SLIT3: variants seen among roughly 807,000 people sequenced by gnomAD.
SLIT3 encodes slit homolog 3 protein.
In SLIT3, 68 loss-of-function variants were observed where a neutral mutation model predicts 184.0. The ratio of observed to expected loss-of-function variants is 0.37; its 90% CI spans 0.30 to 0.45. The LOEUF (loss-of-function observed/expected upper bound fraction) is 0.45. SLIT3 is among the 20% of genes least tolerant of loss of function. SLIT3 has a pLI of 1.00. For synonymous variants in SLIT3, 831 were observed against 828.6 expected (o/e 1.00, Z -0.05); for missense variants, 1,707 against 2,026.0 (o/e 0.84, Z 3.02).
chr5:168,893,502 G>A (rs1760547299), intron 4 of SLIT3, among the ~76,000 whole-genome samples: 1 of 152,258 alleles, frequency 6.6e-6, no homozygotes, highest in East Asian at 1.9e-4. Flanking sequence ...AAGGCAGGGG[G>A]AGGAGAGGGG....
intron 4 of SLIT3, among the ~76,000 whole-genome samples, chr5:169,065,393 A>G (rs1315443764): frequency 6.6e-6 from 1 of 152,226 alleles, no homozygotes; most frequent in African/African-American, 2.4e-5. Context: ...CACACAGAGC[A>G]GAGCCCAAGG....
chr5:169,137,250 T>C (rs1421468725), intron 4 of SLIT3, among the ~76,000 whole-genome samples: 1 of 151,786 alleles, frequency 6.6e-6, no homozygotes, highest in Non-Finnish European at 1.5e-5. Context: ...ATTCCAATGT[T>C]CATTCTCCCC....
intron 1 of SLIT3, among the ~76,000 whole-genome samples, chr5:169,258,344 C>T (rs781410759): frequency 8.5e-5 from 13 of 152,282 alleles, no homozygotes; most frequent in East Asian, 3.9e-4. Context: ...TTCCCACTCC[C>T]GTGCCTTGGA....
Position 169,300,428 on chromosome 5 carries a change from A to C in SLIT3, c.197+85T>G, listed in dbSNP as rs1767645518. The C allele has an allele frequency of 1.5e-6, 2 of 1,362,670 alleles. No homozygotes were observed. Among genetic ancestry groups the C allele is most frequent in the Admixed American group, 3.7e-5 (1 of 27,162 alleles). 84.4% of individuals were successfully genotyped at this position (1,362,670 alleles called of 1,614,324 possible). A position where few individuals can be genotyped will look rare whatever the true frequency, so the allele number is the denominator to read the frequency against. On this transcript the variant is annotated intron_variant, in intron 1 of 35. Coordinates refer to ENST00000519560, the MANE Select transcript of SLIT3 (RefSeq NM_003062.4). The surrounding 1 kb of genome is among the most constrained non-coding windows in gnomAD (Gnocchi z 4.1). ...ATAGAGACTGCATCCAGGGAGGCCG[A>C]GGGGAAAGGACGGATCTGGCGCCTG...
At chr5:169,252,535 C>T (rs1765813085) in intron 1 of SLIT3, among the ~76,000 whole-genome samples, 1 of 151,988 alleles carries the variant, frequency 6.6e-6, no homozygotes, top group South Asian at 2.1e-4. Flanking sequence ...AGACTGAACG[C>T]CAAAAAAAGG....
chr5:168,941,046 T>G (rs1292234041), intron 4 of SLIT3, among the ~76,000 whole-genome samples: 3 of 152,234 alleles, frequency 2.0e-5, no homozygotes, highest in Non-Finnish European at 4.4e-5. Flanking sequence ...TTTTAACTTT[T>G]GAAACCTTTG....
chr5:169,256,929 G>C (rs1230584678), intron 1 of SLIT3, among the ~76,000 whole-genome samples: 1 of 152,020 alleles, frequency 6.6e-6, no homozygotes, highest in East Asian at 2.0e-4. Flanking sequence ...TATGATGTTA[G>C]GTTACTAATC....
chr5:168,839,351 G>A (rs1758162771), intron 6 of SLIT3, among the ~76,000 whole-genome samples: 1 of 152,138 alleles, frequency 6.6e-6, no homozygotes, highest in African/African-American at 2.4e-5. Flanking sequence ...GGCCACGTGG[G>A]CTGGCAGTTA....
intron 4 of SLIT3, among the ~76,000 whole-genome samples, chr5:168,929,934 A>G (rs1463634376): frequency 1.3e-5 from 2 of 152,192 alleles, no homozygotes; most frequent in East Asian, 3.9e-4. Flanking sequence ...CGGGGACCAC[A>G]TCTACCTTTG....
rs535192334 is a variant in SLIT3, at chr5:168,765,417, G to A, written c.1460-2728C>T. ...TTGCCCTGGTTTGTAATAACAAGGG[G>A]GTCGGAATGTGATATTTTATACGAG... On this transcript the variant is annotated intron_variant, in intron 14 of 35. Transcript: ENST00000519560. Among the ~76,000 whole-genome samples the A allele has an allele frequency of 6.6e-5, 10 of 152,248 alleles. No individual in the cohort carries two copies. In the South Asian group the frequency reaches 2.1e-3, roughly 32 times the overall value.
At chr5:169,004,803 T>C (rs994215261) in intron 4 of SLIT3, among the ~76,000 whole-genome samples, 2 of 152,150 alleles carry the variant, frequency 1.3e-5, no homozygotes, top group Non-Finnish European at 2.9e-5. Flanking sequence ...GCTTGTTTTC[T>C]CTAGGCCATG....
At chr5:168,703,821 G>A (rs1762291850) in intron 26 of SLIT3, among the ~76,000 whole-genome samples, 1 of 151,608 alleles carries the variant, frequency 6.6e-6, no homozygotes, top group Non-Finnish European at 1.5e-5. Flanking sequence ...GCGTGGTGGT[G>A]GGCATCCCAG....
intron 11 of SLIT3, among the ~76,000 whole-genome samples, chr5:168,786,541 T>C (rs1438662774): frequency 1.3e-5 from 2 of 152,214 alleles, no homozygotes; most frequent in African/African-American, 4.8e-5. Context: ...CTTTGCTGTC[T>C]CACAGTAATG....
At chr5:168,905,045 C>T (rs1284238513) in intron 4 of SLIT3, among the ~76,000 whole-genome samples, 4 of 152,040 alleles carry the variant, frequency 2.6e-5, no homozygotes, top group African/African-American at 9.7e-5. Context: ...GGCGTGGCAG[C>T]GTGCACCTGT....
At chr5:169,055,590 C>T (rs543090224) in intron 4 of SLIT3, among the ~76,000 whole-genome samples, 2 of 152,272 alleles carry the variant, frequency 1.3e-5, no homozygotes, top group East Asian at 3.9e-4. Context: ...GCCTGTAATC[C>T]CAGCACTTTG....
intron 3 of SLIT3, among the ~76,000 whole-genome samples, chr5:169,235,946 G>C (rs1447912022): frequency 6.6e-6 from 1 of 152,140 alleles, no homozygotes; most frequent in Admixed American, 6.6e-5. Flanking sequence ...TAAAGCTACT[G>C]CCCACTCCCT....
chr5:168,764,334 A>T (rs551985906), intron 14 of SLIT3, among the ~76,000 whole-genome samples: 25 of 152,082 alleles, frequency 1.6e-4, no homozygotes, highest in African/African-American at 6.0e-4. Context: ...TCCTTGCAAC[A>T]CTCTGAGGTT....
At chr5:169,295,382 A>G (rs1314363463) in intron 1 of SLIT3, among the ~76,000 whole-genome samples, 3 of 152,284 alleles carry the variant, frequency 2.0e-5, no homozygotes, top group Non-Finnish European at 4.4e-5. Flanking sequence ...CACAGCAATG[A>G]GTGAACAACA....
intron 20 of SLIT3, among the ~76,000 whole-genome samples, chr5:168,728,946 A>AG (rs1763216397): frequency 6.6e-6 from 1 of 151,686 alleles, no homozygotes; most frequent in Non-Finnish European, 1.5e-5. Flanking sequence ...CAAAAAAAAA[A>AG]GCCAACTGAG....
Sources: allele counts gnomAD v4.1 joint callset (sites outside exome capture counted in the v4.1 genomes callset), GRCh38; gene constraint gnomAD v4.1.1; non-coding constraint Gnocchi (gnomAD v3.1); transcripts MANE v1.5; gene names NCBI Gene and HGNC (gene_info 2026-07-23, HGNC 2026-07-21).